Variants in TTLL12 observed in about 807,000 individuals in gnomAD.
The protein encoded by TTLL12 is tubulin tyrosine ligase like 12.
A neutral mutation model predicts 79.6 loss-of-function variants in TTLL12; 77 were observed. The observed-to-expected ratio is 0.97, with a 90% CI of 0.81 to 1.17. The LOEUF is 1.17. TTLL12 is among the 50% of genes most tolerant of loss of function. The pLI is 0.00. For missense variants in TTLL12, 969 were observed against 895.9 expected, an observed-to-expected ratio of 1.08 and a Z score of -1.04; for synonymous variants, 437 against 376.1, an observed-to-expected ratio of 1.16 and a Z score of -1.87.
intron 1 of TTLL12, chr22:43,185,969 T>C (rs1307904802): frequency 1.0e-6 from 1 of 985,290 alleles, no homozygotes; most frequent in Non-Finnish European, 1.2e-6. Context: ...CACTGCACGT[T>C]TCCAGCAGGA....
rs752514845 is a variant in TTLL12 at position 43,176,327 on chromosome 22, T to C, written c.910A>G (p.Ile304Val). 6 of 1,595,616 alleles carry C rather than the reference T, an allele frequency of 3.8e-6. No individual in the cohort carries two copies. Among genetic ancestry groups the C allele is most frequent in the Non-Finnish European group, 5.1e-6 (6 of 1,172,092 alleles). Residue 304 changes from isoleucine (I) to valine (V), a missense_variant, in exon 6 of 14, where the codon ATC becomes GTC. By Grantham distance (29) the Ile-to-Val change is conservative. Transcript: ENST00000216129. ...INPVVHPHGHIFKVYTDVQQV... is the reference protein window; with the variant it reads ...INPVVHPHGHVFKVYTDVQQV... Reference sequence around the variant, plus strand: ...TGGGGGGGGGCTACGCACTTGAAGATGTGGCCGTGGGGGTGCACCACGGGG... The same window carrying C: ...TGGGGGGGGGCTACGCACTTGAAGACGTGGCCGTGGGGGTGCACCACGGGG...
chr22:43,182,151 G>A (rs907409942), intron 2 of TTLL12, among the ~76,000 whole-genome samples: 9 of 150,604 alleles, frequency 6.0e-5, no homozygotes, highest in Non-Finnish European at 1.0e-4. Context: ...TTGTAGGCCC[G>A]AGAGAGAACA....
chr22:43,173,977 CAAG>C (rs1325889614), intron 8 of TTLL12, 151 bp from the exon 9 acceptor site: 1 of 934,134 alleles, frequency 1.1e-6, no homozygotes, highest in South Asian at 1.6e-5. Context: ...GCATGGGAAA[CAAG>C]GAGGGGTTTG....
intron 1 of TTLL12, among the ~76,000 whole-genome samples, chr22:43,185,295 A>C (rs1932155717): frequency 6.8e-5 from 5 of 73,500 alleles, no homozygotes; most frequent in South Asian, 7.9e-4. Context: ...ATATATATAT[A>C]TATATGTATG....
chr22:43,172,394 T>G lies in TTLL12; in HGVS notation c.1493+9A>C. 6.2e-7 allele frequency: 1 copy of G among 1,613,478 alleles called. No individual in the cohort carries two copies. Among genetic ancestry groups the G allele is most frequent in the Non-Finnish European group, 8.5e-7 (1 of 1,179,646 alleles). The stretch of plus-strand genomic sequence containing the variant: ...CCCCGACCCTGGACCCAGCCGGCCC[T>G]CCACTTACCGGTTGGAGAACCGCAG... On this transcript the variant is annotated intron_variant, in intron 10 of 13. Transcript: ENST00000216129.
In TTLL12 at chr22:43,174,606, C is replaced by G; in HGVS notation, c.927G>C (p.Thr309=). Residue 309 remains threonine (T), a synonymous_variant, in exon 7 of 14, where the codon ACG becomes ACC. Coordinates refer to ENST00000216129, the MANE Select transcript of TTLL12 (RefSeq NM_015140.4). ...GGCTGCTGGCCACCTGCTGCACGTC[C>G]GTGTAGACCCTGTGGGGAGAGCCCG... ...HPHGHIFKVY[T]DVQQVASSLT... 6.2e-7 allele frequency: 1 copy of G among 1,607,490 alleles called. No individual in the cohort carries two copies. Among genetic ancestry groups the G allele is most frequent in the African/African-American group, 1.3e-5 (1 of 74,948 alleles).
chr22:43,173,874 C>A, intron 8 of TTLL12, 48 bp from the exon 9 acceptor site: 1 of 1,540,580 alleles, frequency 6.5e-7, no homozygotes, highest in Non-Finnish European at 8.8e-7. Flanking sequence ...CCTGTGTTCC[C>A]AGATGGTGCC....
intron 11 of TTLL12, chr22:43,169,827 G>A (rs540964691): frequency 1.9e-5 from 11 of 571,390 alleles, no homozygotes; most frequent in Non-Finnish European, 3.7e-5. Context: ...AATGTGCTCT[G>A]CCCAGTAAAC....
chr22:43,169,367 G>A, intron 12 of TTLL12, 133 bp downstream of exon 12: 1 of 772,954 alleles, frequency 1.3e-6, no homozygotes, highest in African/African-American at 1.8e-5. Flanking sequence ...AGCCTCTGGG[G>A]AGAATGACCA....
chr22:43,167,364 G>A lies in TTLL12; in HGVS notation c.*644C>T. On this transcript the variant is annotated 3_prime_UTR_variant, in exon 14 of 14. Coordinates refer to ENST00000216129, the MANE Select transcript of TTLL12 (RefSeq NM_015140.4). ...AACGGTAACAAGACGGTGGCCTCCT[G>A]CCAGGACCTCAGCAGGAGGTTTGCT... 3.1e-6 allele frequency: 1 copy of A among 319,986 alleles called. No homozygotes were observed. The highest frequency in any genetic ancestry group is 9.6e-5 in the East Asian group (1 of 10,434). 19.8% of individuals were successfully genotyped at this position (319,986 alleles called of 1,614,324 possible).
At chr22:43,181,666 G>A (rs1932059806) in intron 2 of TTLL12, among the ~76,000 whole-genome samples, 1 of 152,204 alleles carries the variant, frequency 6.6e-6, no homozygotes, top group Admixed American at 6.5e-5. Flanking sequence ...CAAACACACA[G>A]GTGCCTAATA....
intron 8 of TTLL12, 72 bp downstream of exon 8, chr22:43,174,137 G>A: frequency 2.0e-6 from 3 of 1,531,806 alleles, no homozygotes; most frequent in Non-Finnish European, 2.6e-6. Context: ...GCTCATGGAG[G>A]AGCAGGCGGA....
intron 1 of TTLL12, 35 bp downstream of exon 1, chr22:43,186,858 C>G: frequency 8.0e-7 from 1 of 1,250,488 alleles, no homozygotes; most frequent in Non-Finnish European, 1.0e-6. Context: ...GCTCCCACCC[C>G]GGCCGCCGCA....
intron 6 of TTLL12, among the ~76,000 whole-genome samples, chr22:43,175,060 C>CA (rs1931869078): frequency 6.6e-6 from 1 of 152,208 alleles, no homozygotes; most frequent in Non-Finnish European, 1.5e-5. Context: ...CCACAAGACT[C>CA]ACGTCTCAGC....
At chr22:43,172,624 C>A in intron 9 of TTLL12, 70 bp from the exon 10 acceptor site, 1 of 1,576,926 alleles carries the variant, frequency 6.3e-7, no homozygotes, top group African/African-American at 1.3e-5. Flanking sequence ...GCACACAAAG[C>A]CACGCAGGGG....
chr22:43,176,395 G>T lies in TTLL12; in HGVS notation c.842C>A (p.Ala281Asp). Residue 281 changes from alanine to aspartate, a missense_variant and splice_region_variant, in exon 6 of 14, where the codon GCC (alanine) becomes GAC (aspartate). Physicochemically the swap from Ala to Asp is moderately radical, Grantham distance 126. Coordinates refer to ENST00000216129, the MANE Select transcript of TTLL12 (RefSeq NM_015140.4). ...CTTCTCCTTGTTTTCCTCCAGAATG[G>T]CCTAAAAGGAAACACACCGGAAGTA... ...TPEPPAEHYQ[A>D]ILEENKEKLP... 6.2e-7 allele frequency: 1 copy of T among 1,604,430 alleles called. No individual in the cohort carries two copies. The highest frequency in any genetic ancestry group is 1.7e-5 in the Admixed American group (1 of 57,736).
At chr22:43,185,954 C>T in intron 1 of TTLL12, 1 of 985,252 alleles carries the variant, frequency 1.0e-6, no homozygotes, top group Non-Finnish European at 1.2e-6. Flanking sequence ...TAAGGAGGTG[C>T]CACTCACTGC....
intron 2 of TTLL12, among the ~76,000 whole-genome samples, chr22:43,181,788 T>C (rs1488001395): frequency 1.3e-5 from 2 of 152,210 alleles, no homozygotes; most frequent in African/African-American, 4.8e-5. Flanking sequence ...TTTATCTTAT[T>C]GTGCTTATAT....
intron 5 of TTLL12, among the ~76,000 whole-genome samples, chr22:43,177,571 G>C (rs944665588): frequency 6.6e-6 from 1 of 152,098 alleles, no homozygotes; most frequent in East Asian, 1.9e-4. Flanking sequence ...TCTCTCCCTC[G>C]GATCACTTGC....
Sources: gnomAD v4.1 joint callset for allele counts (sites outside exome capture counted in the v4.1 genomes callset) on GRCh38, gnomAD v4.1.1 for gene constraint, MANE v1.5 for transcripts, NCBI Gene and HGNC (gene_info 2026-07-23, HGNC 2026-07-21) for gene names.